Variants in NCOA6 observed in about 807,000 individuals in gnomAD.
The protein encoded by NCOA6 is NRC RAP250.
Under a neutral mutation model 171.4 loss-of-function variants are expected in NCOA6, and 49 were observed. The observed-to-expected ratio is 0.29, with a 90% CI of 0.23 to 0.36. The LOEUF (loss-of-function observed/expected upper bound fraction) is 0.36. Ranked by LOEUF, NCOA6 falls within the 10% of genes least tolerant of loss-of-function variation. The pLI is 1.00. For synonymous variants in NCOA6, 910 were observed against 927.5 expected, an observed-to-expected ratio of 0.98 and a Z score of 0.34; for missense variants, 2,248 against 2,554.5, an observed-to-expected ratio of 0.88 and a Z score of 2.59.
At chr20:34,743,490 C>A in intron 10 of NCOA6, 149 bp from the exon 11 acceptor site, 1 of 790,150 alleles carries the variant, frequency 1.3e-6, no homozygotes, top group Non-Finnish European at 2.0e-6. Flanking sequence ...AGGGGGCAGC[C>A]CCTCATTACT....
chr20:34,730,002 C>G (rs752287253), intron 13 of NCOA6, among the ~76,000 whole-genome samples: 14 of 152,062 alleles, frequency 9.2e-5, no homozygotes, highest in Non-Finnish European at 1.8e-4. Context: ...GTGAAGATGG[C>G]TTTCTGGCTA....
At chr20:34,717,575 GT>G (rs1244488500) in intron 14 of NCOA6, among the ~76,000 whole-genome samples, 6 of 151,320 alleles carry the variant, frequency 4.0e-5, no homozygotes, top group East Asian at 3.9e-4. Context: ...CAAAGGTCAT[GT>G]TTTTTTTTGT....
At chr20:34,716,882 A>AT (rs1481263691) in intron 14 of NCOA6, among the ~76,000 whole-genome samples, 1 of 152,166 alleles carries the variant, frequency 6.6e-6, no homozygotes. Flanking sequence ...GGTCACCTTT[A>AT]TTTCATATTC....
In NCOA6 at chr20:34,749,900, C is replaced by G; in HGVS notation, c.2295G>C (p.Gln765His). 6.2e-7 allele frequency: 1 copy of G among 1,614,212 alleles called. No individual in the cohort carries two copies. Among genetic ancestry groups the G allele is most frequent in the Non-Finnish European group, 8.5e-7 (1 of 1,180,032 alleles). ...MVQFTGQMSG[Q>H]MLPQQGPVNN... is the part of the protein sequence containing the mutation. ...TCACAGGCCCTTGCTGGGGCAGCAT[C>G]TGTCCTGACATCTGTCCCGTAAACT... is the stretch of plus-strand genomic sequence containing the variant. Residue 765 changes from glutamine to histidine, a missense_variant, in exon 9 of 15, where the codon CAG (glutamine) becomes CAC (histidine). Gln to His is a conservative substitution (Grantham distance 24). Transcript: ENST00000359003.
At chr20:34,787,825 G>A (rs769563719) in intron 2 of NCOA6, among the ~76,000 whole-genome samples, 22 of 152,058 alleles carry the variant, frequency 1.4e-4, no homozygotes, top group Non-Finnish European at 2.9e-4. Context: ...AGTGTGCTGA[G>A]ACTGGCAGCT....
intron 1 of NCOA6, among the ~76,000 whole-genome samples, chr20:34,793,088 T>A (rs1486243712): frequency 6.6e-6 from 1 of 152,050 alleles, no homozygotes; most frequent in East Asian, 1.9e-4. Context: ...CAGCCTTTTT[T>A]GAGATTTTAG....
rs757563079 is a variant in NCOA6 at position 34,782,372 on chromosome 20, G to A, written c.-17C>T. The A allele has an allele frequency of 6.7e-7, 1 of 1,500,510 alleles. No individual in the cohort carries two copies. Among genetic ancestry groups the A allele is most frequent in the South Asian group, 1.2e-5 (1 of 82,614 alleles). The allele number at this position is 1,500,510 out of a possible 1,614,324, so 92.9% of individuals were successfully genotyped here. A position where few individuals can be genotyped will look rare whatever the true frequency, so the allele number is the denominator to read the frequency against. On this transcript the variant is annotated 5_prime_UTR_variant, in exon 3 of 15. Transcript: ENST00000359003. The stretch of plus-strand genomic sequence containing the variant: ...CAAAACCATGGTGAATATTATTCCA[G>A]AAGCATATGCCAAGAGGACAATAAG...
At chr20:34,739,747 G>A (rs1316798815) in intron 11 of NCOA6, among the ~76,000 whole-genome samples, 20 of 152,162 alleles carry the variant, frequency 1.3e-4, no homozygotes, top group Non-Finnish European at 2.9e-5. Flanking sequence ...ATCTGACATA[G>A]TTGGTATAAA....
At position 34,750,003 on chromosome 20, in the gene NCOA6, T is replaced by A. The variant is rs750554092; in HGVS notation, c.2192A>T (p.Gln731Leu). ...MQGNKQQFNT[Q>L]NQSNVMPGPA... ...TCCCGGCATGACATTGGACTGGTTC[T>A]GAGTGTTAAACTGCTGCTTATTCCC... The change falls in exon 9 of 15, where the codon CAG becomes CTG. Residue 731 changes from glutamine (Q) to leucine (L), a missense_variant. Around this residue, in one of 7 missense-constraint regions of NCOA6, gnomAD observed 987 missense variants for 1,104.7 expected, o/e 0.89. Transcript: ENST00000359003. The A allele has an allele frequency of 1.2e-6, 2 of 1,614,278 alleles. No homozygotes were observed. Among genetic ancestry groups the A allele is most frequent in the Admixed American group, 3.3e-5 (2 of 60,026 alleles).
chr20:34,733,850 CAAAAAAAAAAAAAA>C (rs60649247), intron 12 of NCOA6, among the ~76,000 whole-genome samples: 1 of 44,382 alleles, frequency 2.3e-5, no homozygotes, highest in African/African-American at 9.7e-5. Flanking sequence ...GACTCTGTCC[CAAAAAAAAAAAAAA>C]AAAAAAAAAA....
chr20:34,721,238 C>CAAAAAAAAAAAAAAAAAAAAAAAAA (rs10531679), intron 14 of NCOA6, among the ~76,000 whole-genome samples: 2 of 66,042 alleles, frequency 3.0e-5, no homozygotes, highest in African/African-American at 1.3e-4. Context: ...TTCCTCTATA[C>CAAAAAAAAAAAAAAAAAAAAAAAAA]AAAAAAAAAA....
At chr20:34,757,168 A>G in intron 7 of NCOA6, 52 bp downstream of exon 7, 1 of 1,486,662 alleles carries the variant, frequency 6.7e-7, no homozygotes, top group Non-Finnish European at 9.0e-7. Flanking sequence ...AAGTTCTACT[A>G]AGATCTAGCT....
In NCOA6 at chr20:34,796,413, A is replaced by C. The variant is rs1030577462; in HGVS notation, c.-163-3850T>G. 1.6e-4 allele frequency among the ~76,000 whole-genome samples: 25 copies of C among 151,718 alleles called. 1 individual carries two copies. Among genetic ancestry groups the C allele is most frequent in the Non-Finnish European group, 2.9e-5 (2 of 67,936 alleles). ...GGAGGGCAGATTGCTTGAGCCCAGG[A>C]GTTTGAGATCAGCCTGGGCAACATG... On this transcript the variant is annotated intron_variant, in intron 1 of 14. Coordinates refer to ENST00000359003, the MANE Select transcript of NCOA6 (RefSeq NM_014071.5).
chr20:34,815,176 C>T (rs1410892246), intron 1 of NCOA6, among the ~76,000 whole-genome samples: 1 of 151,296 alleles, frequency 6.6e-6, no homozygotes, highest in African/African-American at 2.4e-5. Flanking sequence ...GAGGTTGAGA[C>T]TGGCCTGGGC....
At chr20:34,784,240 TA>T (rs1261110160) in intron 2 of NCOA6, among the ~76,000 whole-genome samples, 1 of 152,098 alleles carries the variant, frequency 6.6e-6, no homozygotes, top group Non-Finnish European at 1.5e-5. Flanking sequence ...TTTTTTAATT[TA>T]TTTTTTTGAG....
chr20:34,736,565 G>T, intron 12 of NCOA6, 125 bp downstream of exon 12: 1 of 770,138 alleles, frequency 1.3e-6, no homozygotes, highest in Non-Finnish European at 2.0e-6. Context: ...AGTCTGCTCT[G>T]AAGCAAACAG....
At chr20:34,755,333 T>C (rs538801380) in intron 7 of NCOA6, among the ~76,000 whole-genome samples, 2 of 152,352 alleles carry the variant, frequency 1.3e-5, no homozygotes, top group African/African-American at 4.8e-5. Context: ...TTGATTATTT[T>C]TCCTTTGAGG....
At chr20:34,817,862 G>A (rs754154208) in intron 1 of NCOA6, among the ~76,000 whole-genome samples, 2 of 152,068 alleles carry the variant, frequency 1.3e-5, no homozygotes, top group African/African-American at 2.4e-5. Flanking sequence ...CTTTCCTAAC[G>A]TACAGCTTTC....
chr20:34,759,074 A>C, intron 5 of NCOA6, 141 bp from the exon 6 acceptor site: 1 of 887,568 alleles, frequency 1.1e-6, no homozygotes, highest in Non-Finnish European at 1.7e-6. Context: ...CCAGTCTGCC[A>C]AGTGGCACAA....
Sources: allele counts gnomAD v4.1 joint callset (sites outside exome capture counted in the v4.1 genomes callset), GRCh38; gene constraint gnomAD v4.1.1; regional missense constraint gnomAD v4.1.1; transcripts MANE v1.5; gene names NCBI Gene and HGNC (gene_info 2026-07-23, HGNC 2026-07-21).